The following SCN10A variants were observed in gnomAD, a reference collection of about 807,000 sequenced individuals.
SCN10A encodes sodium channel protein type 10 subunit alpha.
Under a neutral mutation model 170.7 loss-of-function variants are expected in SCN10A, and 162 were observed. The observed-to-expected ratio is 0.95, with a 90% confidence interval of 0.84 to 1.08. The LOEUF is 1.08. Ranked by LOEUF, SCN10A falls within the 50% of genes least tolerant of loss-of-function variation. SCN10A has a pLI of 0.00. For synonymous variants in SCN10A, 985 were observed against 904.6 expected (o/e 1.09, Z -1.59); for missense variants, 2,527 against 2,436.9 (o/e 1.04, Z -0.78).
chr3:38,700,093 A>G (rs1219368793), intron 27 of SCN10A, among the ~76,000 whole-genome samples: 2 of 152,228 alleles, frequency 1.3e-5, no homozygotes, highest in East Asian at 3.8e-4. Flanking sequence ...GGAATCTTTC[A>G]TTTTGGAAGA....
At chr3:38,723,856 C>A (rs546175363) in intron 18 of SCN10A, among the ~76,000 whole-genome samples, 94 of 152,354 alleles carry the variant, frequency 6.2e-4, no homozygotes, top group Non-Finnish European at 1.1e-3. Context: ...GCCCTCCTGG[C>A]AGCTCCAGCC....
chr3:38,703,924 T>A (rs890215242), intron 26 of SCN10A, among the ~76,000 whole-genome samples: 4 of 152,226 alleles, frequency 2.6e-5, no homozygotes, highest in African/African-American at 9.6e-5. Context: ...CTGCAACAGA[T>A]GCTCTGCAAA....
At chr3:38,702,396 C>CT (rs1183469577) in intron 26 of SCN10A, among the ~76,000 whole-genome samples, 1 of 152,232 alleles carries the variant, frequency 6.6e-6, no homozygotes, top group Non-Finnish European at 1.5e-5. Flanking sequence ...TCTTGGCTGT[C>CT]TAAATTCCAA....
rs745633219 is a variant in SCN10A at position 38,714,068 on chromosome 3, T to A, written c.3694A>T (p.Ser1232Cys). The A allele has an allele frequency of 6.2e-7, 1 of 1,614,174 alleles. No homozygotes were observed. Among genetic ancestry groups the A allele is most frequent in the Non-Finnish European group, 8.5e-7 (1 of 1,180,012 alleles). The stretch of plus-strand genomic sequence containing the variant: ...TATTCCAGAATCTTCGCTGTGAGAC[T>A]TATCAGTGAGATCTGAGTGCAGGAG... ...DFLIVNISLISLTAKILEYSE... is the reference protein window; with the variant it reads ...DFLIVNISLICLTAKILEYSE... Residue 1232 changes from serine (S) to cysteine (C), a missense_variant, in exon 22 of 28, where the codon AGT becomes TGT. Physicochemically the swap from Ser to Cys is moderately radical, Grantham distance 112. Transcript: ENST00000449082.
At chr3:38,699,629 T>C (rs1359270483) in intron 27 of SCN10A, among the ~76,000 whole-genome samples, 1 of 152,202 alleles carries the variant, frequency 6.6e-6, no homozygotes, top group Non-Finnish European at 1.5e-5. Context: ...TAATTTTGGA[T>C]TATAAAATCT....
intron 1 of SCN10A, among the ~76,000 whole-genome samples, chr3:38,803,542 T>G (rs1337728364): frequency 6.6e-6 from 1 of 150,990 alleles, no homozygotes; most frequent in African/African-American, 2.4e-5. Context: ...CAGCAAACTA[T>G]CGCAAGGACA....
At chr3:38,719,361 GCCACT>G (rs1444684609) in intron 20 of SCN10A, among the ~76,000 whole-genome samples, 1 of 141,284 alleles carries the variant, frequency 7.1e-6, no homozygotes, top group Admixed American at 7.1e-5. Flanking sequence ...GTGGGGGGCT[GCCACT>G]CTTTTTTTTT....
intron 27 of SCN10A, among the ~76,000 whole-genome samples, chr3:38,701,596 C>G (rs1219064161): frequency 6.6e-6 from 1 of 152,206 alleles, no homozygotes; most frequent in African/African-American, 2.4e-5. Context: ...GCTGTGCACA[C>G]AGTAGGTGCC....
chr3:38,731,155 G>A (rs548983995), intron 15 of SCN10A, among the ~76,000 whole-genome samples: 1 of 152,314 alleles, frequency 6.6e-6, no homozygotes, highest in African/African-American at 2.4e-5. Context: ...AAAGCTGACT[G>A]CTCATTAGCA....
chr3:38,785,325 C>A (rs1018163765), intron 4 of SCN10A, among the ~76,000 whole-genome samples: 6 of 152,148 alleles, frequency 3.9e-5, no homozygotes, highest in Non-Finnish European at 8.8e-5. Flanking sequence ...AGAAGTAACA[C>A]CGCATATCTA....
At chr3:38,707,494 A>T in intron 25 of SCN10A, 111 bp from the exon 26 acceptor site, 1 of 1,073,642 alleles carries the variant, frequency 9.3e-7, no homozygotes, top group Non-Finnish European at 1.4e-6. Context: ...TCCTCTGCAG[A>T]TAGACAAACC....
intron 21 of SCN10A, 118 bp from the exon 22 acceptor site, chr3:38,714,198 AG>A (rs2063307571): frequency 8.2e-7 from 1 of 1,224,590 alleles, no homozygotes; most frequent in African/African-American, 1.5e-5. Flanking sequence ...CCATCATCCT[AG>A]CTCCCACCTT....
At chr3:38,732,112 C>CAAA (rs1275459193) in intron 15 of SCN10A, among the ~76,000 whole-genome samples, 1 of 152,198 alleles carries the variant, frequency 6.6e-6, no homozygotes, top group African/African-American at 2.4e-5. Flanking sequence ...ATTGAGTGGA[C>CAAA]ACAACAACAA....
intron 15 of SCN10A, among the ~76,000 whole-genome samples, chr3:38,729,379 G>A (rs1194479918): frequency 6.6e-6 from 1 of 152,152 alleles, no homozygotes; most frequent in Non-Finnish European, 1.5e-5. Context: ...TCATCTTGGG[G>A]CAGTGGACAA....
chr3:38,708,407 A>G (rs2063233989), intron 25 of SCN10A, among the ~76,000 whole-genome samples: 1 of 152,154 alleles, frequency 6.6e-6, no homozygotes, highest in Non-Finnish European at 1.5e-5. Flanking sequence ...AATGAGAGAA[A>G]TGATTGCTTC....
intron 5 of SCN10A, among the ~76,000 whole-genome samples, chr3:38,768,431 T>A (rs1305387708): frequency 6.6e-6 from 1 of 152,130 alleles, no homozygotes; most frequent in Non-Finnish European, 1.5e-5. Flanking sequence ...TAGTGCTGGC[T>A]TGGTAGTGGA....
intron 15 of SCN10A, among the ~76,000 whole-genome samples, chr3:38,736,967 T>TTTTG (rs2063569300): frequency 1.4e-5 from 1 of 71,242 alleles, no homozygotes; most frequent in South Asian, 5.3e-4. Context: ...ATGTTCGTTT[T>TTTTG]TTTTTTTTTT....
chr3:38,810,470 G>A (rs2064433435), intron 1 of SCN10A, among the ~76,000 whole-genome samples: 1 of 152,126 alleles, frequency 6.6e-6, no homozygotes, highest in Non-Finnish European at 1.5e-5. Context: ...GGCAAATTTG[G>A]ACAAAAATAT....
chr3:38,775,010 C>T (rs988532841), intron 4 of SCN10A, among the ~76,000 whole-genome samples: 1 of 152,152 alleles, frequency 6.6e-6, no homozygotes, highest in South Asian at 2.1e-4. Context: ...CCTTTCCTTG[C>T]TGACCATGTG....
Sources: gnomAD v4.1 joint callset for allele counts (sites outside exome capture counted in the v4.1 genomes callset) on GRCh38, gnomAD v4.1.1 for gene constraint, MANE v1.5 for transcripts, NCBI Gene and HGNC (gene_info 2026-07-23, HGNC 2026-07-21) for gene names.